Variants in CLIC5 observed in about 807,000 individuals in gnomAD.
The protein encoded by CLIC5 is chloride intracellular channel protein 5.
A neutral mutation model predicts 24.7 loss-of-function variants in CLIC5; 20 were observed. That is an observed-to-expected ratio of 0.81 (90% confidence interval 0.57 to 1.18). The LOEUF is 1.18. Ranked by LOEUF, CLIC5 falls within the 50% of genes most tolerant of loss-of-function variation. The pLI is 0.00. For synonymous variants in CLIC5, 159 were observed against 135.6 expected (o/e 1.17, Z -1.20); for missense variants, 341 against 326.1 (o/e 1.05, Z -0.35).
intron 3 of CLIC5, among the ~76,000 whole-genome samples, chr6:45,946,122 G>A (rs1017007335): frequency 4.6e-5 from 7 of 152,334 alleles, no homozygotes; most frequent in African/African-American, 1.7e-4. Context: ...GAGCGGGAGA[G>A]AGGCTTGTCC....
intron 6 of CLIC5, among the ~76,000 whole-genome samples, chr6:45,889,498 C>A (rs911290194): frequency 6.6e-6 from 1 of 152,150 alleles, no homozygotes; most frequent in Non-Finnish European, 1.5e-5. Context: ...ACAATGTATA[C>A]ACTATGTGCT....
At chr6:45,993,555 A>G (rs1036330548) in intron 1 of CLIC5, among the ~76,000 whole-genome samples, 1 of 151,210 alleles carries the variant, frequency 6.6e-6, no homozygotes, top group Admixed American at 6.6e-5. Context: ...TGTGTGAGTT[A>G]CATCAACCAC....
At chr6:46,126,733 T>C in the CLIC5 span, among the ~76,000 whole-genome samples, 1 of 152,200 alleles carries the variant, frequency 6.6e-6, no homozygotes, top group Non-Finnish European at 1.5e-5. Flanking sequence ...GACATTCAAT[T>C]ATTTAGTTTC....
At chr6:45,992,017 G>A (rs1463216279) in intron 1 of CLIC5, among the ~76,000 whole-genome samples, 2 of 152,150 alleles carry the variant, frequency 1.3e-5, no homozygotes, top group Non-Finnish European at 2.9e-5. Context: ...TTAACAAGAG[G>A]AAAGATGGGC....
chr6:46,000,537 A>G (rs892048866), intron 1 of CLIC5, among the ~76,000 whole-genome samples: 3 of 152,164 alleles, frequency 2.0e-5, no homozygotes, highest in African/African-American at 7.2e-5. Flanking sequence ...GTTTGTTTTC[A>G]TGCTGCTATG....
chr6:46,058,204 A>AT (rs1490166865), intron 1 of CLIC5, among the ~76,000 whole-genome samples: 2 of 152,170 alleles, frequency 1.3e-5, no homozygotes, highest in African/African-American at 4.8e-5. Flanking sequence ...GCAGACATGA[A>AT]TTTTAACTAC....
chr6:46,072,972 C>T (rs190347666), intron 1 of CLIC5, among the ~76,000 whole-genome samples: 4 of 152,134 alleles, frequency 2.6e-5, no homozygotes, highest in Admixed American at 6.5e-5. Context: ...CTAGGAATGC[C>T]GATATAAAGA....
At chr6:46,101,006 C>A in the CLIC5 span, among the ~76,000 whole-genome samples, 1 of 152,178 alleles carries the variant, frequency 6.6e-6, no homozygotes, top group Non-Finnish European at 1.5e-5. Flanking sequence ...CGACCTCATC[C>A]ACCATGAAAT....
intron 1 of CLIC5, among the ~76,000 whole-genome samples, chr6:45,977,734 T>C (rs1765432148): frequency 6.6e-6 from 1 of 152,222 alleles, no homozygotes; most frequent in Non-Finnish European, 1.5e-5. Context: ...TTTCTCTCTT[T>C]TGGACAGCAT....
rs1159772454 is a variant in CLIC5, at chr6:45,901,068, G to A, written c.*2020C>T. ...GTCATCCTGCCTGTGCTGTAAATTC[G>A]GGGAAGGATTTCTGAGTACAGCAGG... On this transcript the variant is annotated 3_prime_UTR_variant, in exon 6 of 6. Coordinates refer to ENST00000339561, the MANE Select transcript of CLIC5 (RefSeq NM_016929.5). The A allele has an allele frequency of 6.6e-6, 1 of 152,126 alleles. No homozygotes were observed. The highest frequency in any genetic ancestry group is 1.5e-5 in the Non-Finnish European group (1 of 68,034). 9.4% of individuals were successfully genotyped at this position (152,126 alleles called of 1,614,324 possible). A position where few individuals can be genotyped will look rare whatever the true frequency, so the allele number is the denominator to read the frequency against.
At chr6:45,916,782 G>A (rs531240904) in intron 4 of CLIC5, among the ~76,000 whole-genome samples, 1 of 152,318 alleles carries the variant, frequency 6.6e-6, no homozygotes, top group East Asian at 1.9e-4. Context: ...AGGAATCATT[G>A]TTGATTCATG....
chr6:46,077,400 G>A (rs16874195), intron 1 of CLIC5, among the ~76,000 whole-genome samples: 104 of 152,086 alleles, frequency 6.8e-4, no homozygotes, highest in African/African-American at 2.2e-3. Flanking sequence ...CTGAAAAGCC[G>A]TAAGCCCTAC....
chr6:46,044,744 T>C lies in CLIC5; in HGVS notation c.540+34959A>G, dbSNP rs552684072. Among the ~76,000 whole-genome samples the C allele has an allele frequency of 3.0e-4, 46 of 152,342 alleles. No homozygotes were observed. In the South Asian group the frequency reaches 8.9e-3, roughly 29 times the overall value. ...TAGAGTGACTGAAGATGAAAAAGAA[T>C]GCATATTCAGCTACTTGTAGGATTA... On this transcript the variant is annotated intron_variant, in intron 1 of 5. Transcript: ENST00000185206.
chr6:45,968,621 T>G (rs1248238752), intron 1 of CLIC5, among the ~76,000 whole-genome samples: 1 of 152,194 alleles, frequency 6.6e-6, no homozygotes, highest in African/African-American at 2.4e-5. Flanking sequence ...AAATTTTCTA[T>G]TTAAAATTAC....
chr6:46,015,570 G>C lies in CLIC5; in HGVS notation c.-28C>G, dbSNP rs544862174. The C allele has an allele frequency of 3.9e-6, 6 of 1,545,912 alleles. No homozygotes were observed. The African/African-American group carries it at 8.4e-5, about 22-fold the overall frequency. On this transcript the variant is annotated 5_prime_UTR_variant, in exon 1 of 6. Transcript: ENST00000339561. The stretch of plus-strand genomic sequence containing the variant: ...CGTTGGCGCCCGGGGCTACCGTCCC[G>C]GGCCGGGGAGGCGCCACCTCTGCAG...
At chr6:46,128,191 TTA>T in the CLIC5 span, among the ~76,000 whole-genome samples, 34 of 152,320 alleles carry the variant, frequency 2.2e-4, no homozygotes, top group African/African-American at 7.9e-4. Flanking sequence ...CCTGACCACT[TTA>T]TCTTACAGAG....
At chr6:46,018,365 C>T (rs1466430532), upstream of CLIC5, among the ~76,000 whole-genome samples, 1 of 152,140 alleles carries the variant, frequency 6.6e-6, no homozygotes, top group Admixed American at 6.5e-5. Flanking sequence ...ATTTTATCTT[C>T]TCCAAATATC....
intron 1 of CLIC5, among the ~76,000 whole-genome samples, chr6:45,969,399 A>G (rs932486646): frequency 1.3e-5 from 2 of 152,172 alleles, no homozygotes; most frequent in African/African-American, 4.8e-5. Flanking sequence ...CTTAAAAAGC[A>G]GTTGAAGAAG....
At chr6:45,885,175 CT>C (rs1217706802) in intron 6 of CLIC5, among the ~76,000 whole-genome samples, 1 of 152,048 alleles carries the variant, frequency 6.6e-6, no homozygotes, top group African/African-American at 2.4e-5. Flanking sequence ...GAAGTGGGGC[CT>C]TTGAGAGGAG....
Sources: allele counts gnomAD v4.1 joint callset (sites outside exome capture counted in the v4.1 genomes callset), GRCh38; gene constraint gnomAD v4.1.1; transcripts MANE v1.5; gene names NCBI Gene and HGNC (gene_info 2026-07-23, HGNC 2026-07-21).